The following CTNNA2 variants were observed in gnomAD, a reference collection of about 807,000 sequenced individuals.
CTNNA2 encodes the protein catenin alpha-2.
Under a neutral mutation model 101.0 loss-of-function variants are expected in CTNNA2, and 42 were observed. The ratio of observed to expected loss-of-function variants is 0.42; its 90% CI spans 0.32 to 0.54. The LOEUF is 0.54. Ranked by LOEUF, CTNNA2 falls within the 20% of genes least tolerant of loss-of-function variation. The probability of loss-of-function intolerance (pLI) is 0.14; values close to 1 mark genes in which losing one functional copy is unlikely to be tolerated. For missense variants in CTNNA2, 871 were observed against 1,223.1 expected (o/e 0.71, Z 4.29); for synonymous variants, 450 against 456.4 (o/e 0.99, Z 0.18).
intron 3 of CTNNA2, among the ~76,000 whole-genome samples, chr2:79,785,649 G>A (rs1250868131): frequency 6.6e-6 from 1 of 151,978 alleles, no homozygotes; most frequent in Non-Finnish European, 1.5e-5. Flanking sequence ...ATCCATGGGG[G>A]CAGGGATATT....
intron 2 of CTNNA2, among the ~76,000 whole-genome samples, chr2:79,677,395 C>G (rs1303912774): frequency 2.0e-5 from 3 of 152,094 alleles, no homozygotes; most frequent in Non-Finnish European, 4.4e-5. Context: ...TCTTTCTTCC[C>G]TCTATTTTCT....
At chr2:79,291,147 A>G (rs1675797909) in intron 2 of CTNNA2, among the ~76,000 whole-genome samples, 1 of 152,226 alleles carries the variant, frequency 6.6e-6, no homozygotes, top group African/African-American at 2.4e-5. Flanking sequence ...TTCTCCTTTC[A>G]CTATGACACA....
intron 9 of CTNNA2, among the ~76,000 whole-genome samples, chr2:80,510,371 C>T (rs995198839): frequency 7.9e-5 from 12 of 152,110 alleles, no homozygotes; most frequent in East Asian, 1.9e-4. Context: ...TATACTGTTA[C>T]GTGAAGTCTC....
At chr2:79,707,226 C>T (rs1685443362) in intron 2 of CTNNA2, among the ~76,000 whole-genome samples, 1 of 152,098 alleles carries the variant, frequency 6.6e-6, no homozygotes, top group African/African-American at 2.4e-5. Flanking sequence ...CCACTGGTAC[C>T]CCCTCCTACT....
chr2:79,955,255 G>T (rs1444265253), intron 7 of CTNNA2, among the ~76,000 whole-genome samples: 1 of 152,140 alleles, frequency 6.6e-6, no homozygotes, highest in Non-Finnish European at 1.5e-5. Flanking sequence ...TGTGATTCAA[G>T]ATCTCTCTTC....
At position 79,679,658 on chromosome 2, in the gene CTNNA2, G is replaced by A. The variant is rs1194576379; in HGVS notation, c.102+28000G>A. ...AGGGGAGTTAGGGTGAACGTTTGTC[G>A]CATTACTGTCTTCTGATGTTCCTAG... On this transcript the variant is annotated intron_variant, in intron 2 of 18. Transcript: ENST00000402739. 5.3e-5 allele frequency among the ~76,000 whole-genome samples: 8 copies of A among 151,974 alleles called. No individual in the cohort carries two copies. The East Asian group carries it at 7.7e-4, about 15-fold the overall frequency.
intron 7 of CTNNA2, among the ~76,000 whole-genome samples, chr2:80,088,660 A>G (rs1029045317): frequency 2.6e-5 from 4 of 152,080 alleles, no homozygotes; most frequent in Non-Finnish European, 4.4e-5. Flanking sequence ...TTTGTTTTAA[A>G]TCAAGAAGGA....
intron 1 of CTNNA2, among the ~76,000 whole-genome samples, chr2:79,520,976 CAT>C (rs1031214409): frequency 1.3e-5 from 2 of 151,538 alleles, no homozygotes; most frequent in African/African-American, 4.8e-5. Flanking sequence ...GAAATGAAAA[CAT>C]ATGTACAAGG....
intron 3 of CTNNA2, among the ~76,000 whole-genome samples, chr2:79,796,130 G>T (rs11674183): frequency 5.9e-5 from 9 of 152,110 alleles, no homozygotes; most frequent in Non-Finnish European, 1.3e-4. Context: ...TGATACTTGG[G>T]GTACTATAAA....
At chr2:79,814,910 C>G (rs1677360355) in intron 3 of CTNNA2, among the ~76,000 whole-genome samples, 1 of 152,106 alleles carries the variant, frequency 6.6e-6, no homozygotes, top group Non-Finnish European at 1.5e-5. Flanking sequence ...GAAGTGTTCC[C>G]TGATGACCGC....
rs146126581 is a variant in CTNNA2 at position 80,009,444 on chromosome 2, C to A, written c.1056+99647C>A. On this transcript the variant is annotated intron_variant, in intron 7 of 18. Coordinates refer to ENST00000402739, the MANE Select transcript of CTNNA2 (RefSeq NM_001282597.3). ...TCATTGGGAAGATTTGATGTTCATT[C>A]TGCTAAAATATTGCTGCCTGAAGAC... Among the ~76,000 whole-genome samples the A allele has an allele frequency of 4.8e-4, 73 of 152,296 alleles. 1 individual carries two copies. In the East Asian group the frequency reaches 0.011, roughly 23 times the overall value.
At chr2:79,938,147 G>A (rs1442249919) in intron 7 of CTNNA2, among the ~76,000 whole-genome samples, 2 of 152,166 alleles carry the variant, frequency 1.3e-5, no homozygotes, top group East Asian at 3.9e-4. Context: ...TCCCAACCAA[G>A]GAGGAGCTGA....
intron 1 of CTNNA2, among the ~76,000 whole-genome samples, chr2:79,609,574 A>C (rs554405760): frequency 5.3e-5 from 8 of 152,214 alleles, no homozygotes; most frequent in Admixed American, 2.0e-4. Flanking sequence ...TAATTTTGCC[A>C]ATGTGGTGTT....
At chr2:79,707,522 T>C (rs1356186629) in intron 2 of CTNNA2, among the ~76,000 whole-genome samples, 1 of 152,240 alleles carries the variant, frequency 6.6e-6, no homozygotes, top group Non-Finnish European at 1.5e-5. Flanking sequence ...TTTCCTGCAT[T>C]GGCATACTTT....
chr2:80,437,265 G>A (rs1682124532), intron 9 of CTNNA2, among the ~76,000 whole-genome samples: 1 of 152,148 alleles, frequency 6.6e-6, no homozygotes, highest in African/African-American at 2.4e-5. Context: ...ACTTTTTGGA[G>A]ATTCGCAACG....
chr2:79,481,308 C>T (rs1256367659), intron 4 of CTNNA2, among the ~76,000 whole-genome samples: 2 of 152,048 alleles, frequency 1.3e-5, no homozygotes, highest in Admixed American at 1.3e-4. Flanking sequence ...AATGAAAAGA[C>T]AACAAAAAGA....
In CTNNA2 at chr2:79,982,232, ATATATATATG is replaced by A. The variant is rs1193214645; in HGVS notation, c.1056+72439_1056+72448del. ...TATATATATATATATATATATATAT[ATATATATATG>A]TATGTATATGTACACACACACATAA... On this transcript the variant is annotated intron_variant, in intron 7 of 18. Transcript: ENST00000402739. Among the ~76,000 whole-genome samples the A allele has an allele frequency of 3.2e-3, 308 of 97,588 alleles. 12 individuals are homozygous for A. Among genetic ancestry groups the A allele is most frequent in the Middle Eastern group, 0.018 (4 of 222 alleles). 64.0% of individuals were successfully genotyped at this position (97,588 alleles called of 152,430 possible). A position where few individuals can be genotyped will look rare whatever the true frequency, so the allele number is the denominator to read the frequency against.
chr2:80,603,429 G>A (rs1474960169), intron 15 of CTNNA2: 1 of 152,034 alleles, frequency 6.6e-6, no homozygotes, highest in Non-Finnish European at 1.5e-5. Context: ...TCATAAATCA[G>A]TATCGGAAGC....
intron 2 of CTNNA2, among the ~76,000 whole-genome samples, chr2:79,288,617 A>T (rs373472062): frequency 6.6e-6 from 1 of 151,686 alleles, no homozygotes; most frequent in Non-Finnish European, 1.5e-5. Context: ...CTCTCTCTCC[A>T]CATGGTCTTT....
Sources: allele counts gnomAD v4.1 joint callset (sites outside exome capture counted in the v4.1 genomes callset), GRCh38; gene constraint gnomAD v4.1.1; transcripts MANE v1.5; gene names NCBI Gene and HGNC (gene_info 2026-07-23, HGNC 2026-07-21).